The following EFCAB8 variants were observed in gnomAD, a reference collection of about 807,000 sequenced individuals.
The protein encoded by EFCAB8 is EF-hand calcium binding domain 8.
Under a neutral mutation model 116.3 loss-of-function variants are expected in EFCAB8, and 100 were observed. The ratio of observed to expected loss-of-function variants is 0.86; its 90% CI spans 0.73 to 1.02. EFCAB8 has a LOEUF of 1.02. Ranked by LOEUF, EFCAB8 falls within the 50% of genes least tolerant of loss-of-function variation. The pLI is 0.00. For synonymous variants in EFCAB8, 558 were observed against 567.9 expected (o/e 0.98, Z 0.25); for missense variants, 1,320 against 1,416.9 (o/e 0.93, Z 1.10).
intron 24 of EFCAB8, among the ~76,000 whole-genome samples, chr20:32,959,260 A>T (rs1469123533): frequency 6.6e-6 from 1 of 152,230 alleles, no homozygotes; most frequent in Admixed American, 6.5e-5. Context: ...AGGAACAGGG[A>T]TGGCTCAGAG....
At chr20:32,865,091 G>A (rs1283070562) in intron 2 of EFCAB8, among the ~76,000 whole-genome samples, 1 of 152,164 alleles carries the variant, frequency 6.6e-6, no homozygotes, top group African/African-American at 2.4e-5. Context: ...CTGCAGCCGT[G>A]TGCTTCCCCT....
chr20:32,893,417 G>A (rs368132965), intron 9 of EFCAB8, 119 bp downstream of exon 9: 3 of 1,422,274 alleles, frequency 2.1e-6, no homozygotes, highest in African/African-American at 1.4e-5. Flanking sequence ...CTCTGGGAAG[G>A]CGTCTGCTTC....
At position 32,950,277 on chromosome 20, in the gene EFCAB8, C is replaced by T. The variant is rs571818035; in HGVS notation, c.2959+6473C>T. 2.0e-5 allele frequency among the ~76,000 whole-genome samples: 3 copies of T among 152,196 alleles called. No individual in the cohort carries two copies. In the South Asian group the frequency reaches 6.2e-4, roughly 32 times the overall value. Reference sequence around the variant, plus strand: ...AGACTGGGAGAAGATATTTGCAAATCCTATATCTGATAAAGCTCCTATTTA... The same window carrying T: ...AGACTGGGAGAAGATATTTGCAAATTCTATATCTGATAAAGCTCCTATTTA... On this transcript the variant is annotated intron_variant, in intron 23 of 26. Transcript: ENST00000400522.
intron 3 of EFCAB8, among the ~76,000 whole-genome samples, chr20:32,870,530 G>A (rs1472590804): frequency 1.3e-5 from 2 of 152,022 alleles, no homozygotes; most frequent in African/African-American, 2.4e-5. Flanking sequence ...ACAGGGTCTC[G>A]CTTGGTTGCC....
chr20:32,938,983 CCCTTCCTT>C (rs150137986), intron 22 of EFCAB8, among the ~76,000 whole-genome samples: 1 of 120,540 alleles, frequency 8.3e-6, no homozygotes, highest in Non-Finnish European at 1.7e-5. Flanking sequence ...TCTTTTCCTT[CCCTTCCTT>C]CCTTCCTTCC....
chr20:32,901,558 T>C (rs1017177272), intron 11 of EFCAB8, among the ~76,000 whole-genome samples: 29 of 145,848 alleles, frequency 2.0e-4, no homozygotes, highest in African/African-American at 7.9e-4. Context: ...CCGGGCCTGC[T>C]GCCTTCCTGA....
chr20:32,946,105 A>G (rs1007199172), intron 23 of EFCAB8, among the ~76,000 whole-genome samples: 11 of 152,184 alleles, frequency 7.2e-5, no homozygotes, highest in Non-Finnish European at 1.5e-4. Context: ...TACTCATTCC[A>G]CAGAGCGGCA....
At chr20:32,895,847 A>C (rs11700194) in intron 9 of EFCAB8, among the ~76,000 whole-genome samples, 5,090 of 152,112 alleles carry the variant, frequency 0.033, 127 homozygotes, top group Non-Finnish European at 0.051. Context: ...CTGGGATTAC[A>C]GGCGTGAGCC....
At chr20:32,879,933 G>A (rs1450808531) in intron 5 of EFCAB8, among the ~76,000 whole-genome samples, 1 of 152,140 alleles carries the variant, frequency 6.6e-6, no homozygotes, top group Non-Finnish European at 1.5e-5. Flanking sequence ...GCCTCGCTGT[G>A]TGTTCCTCCC....
At chr20:32,886,228 A>G (rs1985622768) in intron 6 of EFCAB8, among the ~76,000 whole-genome samples, 3 of 152,172 alleles carry the variant, frequency 2.0e-5, no homozygotes, top group South Asian at 2.1e-4. Flanking sequence ...TCCTTTTGGG[A>G]ACACATGATG....
At chr20:32,961,068 C>T (rs1454306579) in intron 26 of EFCAB8, 68 bp from the exon 27 acceptor site, 1 of 1,389,718 alleles carries the variant, frequency 7.2e-7, no homozygotes, top group Non-Finnish European at 1.0e-6. Flanking sequence ...TGTGAGTCTA[C>T]TCTTGATCCT....
At chr20:32,930,703 C>A in intron 21 of EFCAB8, 87 bp downstream of exon 21, 1 of 1,268,294 alleles carries the variant, frequency 7.9e-7, no homozygotes, top group South Asian at 1.4e-5. Flanking sequence ...TTGCCTAGTT[C>A]CTACTCTGTC....
At chr20:32,932,302 G>T (rs1257500105) in intron 22 of EFCAB8, among the ~76,000 whole-genome samples, 2 of 152,052 alleles carry the variant, frequency 1.3e-5, no homozygotes, top group Admixed American at 6.6e-5. Flanking sequence ...ACTTGAACCC[G>T]GGAGGTGGAG....
chr20:32,919,522 A>G (rs1324427410), intron 19 of EFCAB8, among the ~76,000 whole-genome samples: 1 of 151,902 alleles, frequency 6.6e-6, no homozygotes, highest in African/African-American at 2.4e-5. Context: ...TTTGAGATGG[A>G]GTCTCACTCT....
chr20:32,920,240 G>A, intron 20 of EFCAB8, 25 bp downstream of exon 20: 3 of 1,551,182 alleles, frequency 1.9e-6, no homozygotes, highest in Non-Finnish European at 2.6e-6. Context: ...GCCAGGGAGA[G>A]GGATATGAGC....
In EFCAB8 at chr20:32,961,794, C is replaced by T. The variant is rs1225865625; in HGVS notation, c.*185C>T. 6.6e-6 allele frequency among the ~76,000 whole-genome samples: 1 copy of T among 152,246 alleles called. No individual in the cohort carries two copies. The highest frequency in any genetic ancestry group is 2.4e-5 in the African/African-American group (1 of 41,470). On this transcript the variant is annotated 3_prime_UTR_variant, in exon 27 of 27. Transcript: ENST00000400522. The stretch of plus-strand genomic sequence containing the variant: ...TCTTCTCTCTGGCCCCGCACAGAGC[C>T]CTGGGGCAGAAAATAAATGTTCTCA...
chr20:32,882,545 A>G (rs1985396540), intron 5 of EFCAB8, among the ~76,000 whole-genome samples: 1 of 152,138 alleles, frequency 6.6e-6, no homozygotes, highest in Non-Finnish European at 1.5e-5. Flanking sequence ...TTTTGAGACA[A>G]GGTCTTGCTC....
At chr20:32,932,232 CT>C (rs1987936347) in intron 22 of EFCAB8, among the ~76,000 whole-genome samples, 1 of 152,170 alleles carries the variant, frequency 6.6e-6, no homozygotes, top group Admixed American at 6.5e-5. Flanking sequence ...CAAAAATCAG[CT>C]GGGTGTGGCG....
intron 19 of EFCAB8, among the ~76,000 whole-genome samples, 197 bp from the exon 20 acceptor site, chr20:32,919,881 A>G (rs1467123141): frequency 6.6e-6 from 1 of 152,090 alleles, no homozygotes; most frequent in African/African-American, 2.4e-5. Context: ...TCTCTGCCCC[A>G]ATTTTGCTCT....
Sources: allele counts gnomAD v4.1 joint callset (sites outside exome capture counted in the v4.1 genomes callset), GRCh38; gene constraint gnomAD v4.1.1; transcripts MANE v1.5; gene names NCBI Gene and HGNC (gene_info 2026-07-23, HGNC 2026-07-21).